LONP2: variants seen among roughly 807,000 people sequenced by gnomAD.
The protein encoded by LONP2 is lon peptidase 2, peroxisomal.
In LONP2, 60 loss-of-function variants were observed where a neutral mutation model predicts 85.6. That is an observed-to-expected ratio of 0.70 (90% confidence interval 0.57 to 0.87). LONP2 has a LOEUF of 0.87. Among genes scored for constraint, LONP2 ranks in the 40% least tolerant of loss-of-function variants. The pLI is 0.00. For missense variants in LONP2, 860 were observed against 1,063.5 expected, an observed-to-expected ratio of 0.81 and a Z score of 2.66; for synonymous variants, 395 against 389.7, an observed-to-expected ratio of 1.01 and a Z score of -0.16.
At chr16:48,307,980 A>G (rs564951226) in intron 11 of LONP2, among the ~76,000 whole-genome samples, 1 of 152,266 alleles carries the variant, frequency 6.6e-6, no homozygotes, top group South Asian at 2.1e-4. Context: ...GGACCTTTTA[A>G]CAACCAGCTG....
At chr16:48,274,379 T>C (rs548985970) in intron 7 of LONP2, among the ~76,000 whole-genome samples, 1 of 152,168 alleles carries the variant, frequency 6.6e-6, no homozygotes, top group African/African-American at 2.4e-5. Flanking sequence ...TTTAACATGG[T>C]GCTAAATGTG....
At chr16:48,259,043 AT>A (rs1971822567) in intron 4 of LONP2, among the ~76,000 whole-genome samples, 1 of 152,230 alleles carries the variant, frequency 6.6e-6, no homozygotes, top group East Asian at 1.9e-4. Flanking sequence ...TGAGTATAAC[AT>A]TTTTTTACTG....
chr16:48,299,373 C>T (rs1972750582), intron 9 of LONP2, among the ~76,000 whole-genome samples: 2 of 151,692 alleles, frequency 1.3e-5, no homozygotes, highest in African/African-American at 4.8e-5. Flanking sequence ...TCACTTGAGG[C>T]CAGGAGTTTG....
intron 14 of LONP2, among the ~76,000 whole-genome samples, chr16:48,349,051 T>A (rs1960060217): frequency 6.6e-6 from 1 of 152,250 alleles, no homozygotes; most frequent in African/African-American, 2.4e-5. Context: ...ATTAACCATA[T>A]CTAATGACTA....
chr16:48,348,099 G>A lies in LONP2; in HGVS notation c.2147-1G>A. The stretch of plus-strand genomic sequence containing the variant: ...TTAAAGTCCCTTTTTCCTTTTTAAA[G>A]CTTTTGGAAGTTTTGATCTTCTTGA... On this transcript the variant is annotated splice_acceptor_variant, in intron 13 of 14. Transcript: ENST00000285737. LOFTEE classifies it high-confidence loss of function. 1 of 1,591,138 alleles carries A rather than the reference G, an allele frequency of 6.3e-7. No individual in the cohort carries two copies. The highest frequency in any genetic ancestry group is 8.5e-7 in the Non-Finnish European group (1 of 1,174,222).
chr16:48,275,353 G>C (rs1363274793), intron 7 of LONP2, among the ~76,000 whole-genome samples: 1 of 152,136 alleles, frequency 6.6e-6, no homozygotes, highest in Non-Finnish European at 1.5e-5. Context: ...TTGAGTGCTG[G>C]CACGGTGGAT....
At chr16:48,248,114 A>G (rs1238841464) in intron 1 of LONP2, among the ~76,000 whole-genome samples, 2 of 151,876 alleles carry the variant, frequency 1.3e-5, no homozygotes, top group Non-Finnish European at 2.9e-5. Flanking sequence ...AACCATGTAC[A>G]CCTAAGTTGT....
intron 12 of LONP2, 55 bp from the exon 13 acceptor site, chr16:48,347,452 A>G (rs1960000184): frequency 5.8e-6 from 9 of 1,559,486 alleles, no homozygotes; most frequent in South Asian, 1.1e-5. Flanking sequence ...ATTGTGTGGT[A>G]TCAGTCACCT....
chr16:48,329,214 C>T (rs779750280), intron 11 of LONP2, among the ~76,000 whole-genome samples: 2 of 152,170 alleles, frequency 1.3e-5, no homozygotes, highest in Non-Finnish European at 2.9e-5. Flanking sequence ...GGTCAACCAT[C>T]GTCCAAAAAT....
rs551037569 is a variant in LONP2, at chr16:48,354,542, C to G, written c.*2740C>G. On this transcript the variant is annotated 3_prime_UTR_variant, in exon 15 of 15. Coordinates refer to ENST00000285737, the MANE Select transcript of LONP2 (RefSeq NM_031490.5). ...TTTTTTATCACCACAAACTGAAACTCTGTACCCACTGAAAAAGAGCTCCAA... is the reference window on the plus strand; with the variant it reads ...TTTTTTATCACCACAAACTGAAACTGTGTACCCACTGAAAAAGAGCTCCAA... 1 of 152,424 alleles carries G rather than the reference C, an allele frequency of 6.6e-6. No homozygotes were observed. Among genetic ancestry groups the G allele is most frequent in the Admixed American group, 6.5e-5 (1 of 15,288 alleles). 9.4% of individuals were successfully genotyped at this position (152,424 alleles called of 1,614,324 possible). A position where few individuals can be genotyped will look rare whatever the true frequency, so the allele number is the denominator to read the frequency against.
chr16:48,275,893 T>TAGAATATTATTTTCTCTCTGTGACTTC (rs1214291060), intron 7 of LONP2, among the ~76,000 whole-genome samples: 1 of 152,140 alleles, frequency 6.6e-6, no homozygotes, highest in Non-Finnish European at 1.5e-5. Flanking sequence ...GGTGCCTACC[T>TAGAATATTATTTTCTCTCTGTGACTTC]AGAATATTAT....
chr16:48,349,030 C>T (rs1013546481), intron 14 of LONP2, among the ~76,000 whole-genome samples: 11 of 152,066 alleles, frequency 7.2e-5, no homozygotes, highest in Non-Finnish European at 7.4e-5. Context: ...AGAATGGAAA[C>T]TCTAATAAAG....
intron 6 of LONP2, among the ~76,000 whole-genome samples, chr16:48,268,443 C>G (rs1972036106): frequency 6.6e-6 from 1 of 152,170 alleles, no homozygotes; most frequent in Admixed American, 6.5e-5. Context: ...GAAACTTACT[C>G]TTCTTGAACA....
intron 2 of LONP2, among the ~76,000 whole-genome samples, chr16:48,253,605 G>A (rs1009139100): frequency 2.0e-5 from 3 of 152,224 alleles, no homozygotes; most frequent in African/African-American, 7.2e-5. Context: ...AGGAGATTGA[G>A]AGAAATAGAA....
At position 48,348,185 on chromosome 16, in the gene LONP2, T is replaced by C. The variant is rs763396193; in HGVS notation, c.2232T>C (p.Ala744=). Reference sequence around the variant, plus strand: ...CTGTCACAAAAGATGGACCATCTGCTGGAGTTACCATAGTAACCTGTCTCG... The same window carrying C: ...CTGTCACAAAAGATGGACCATCTGCCGGAGTTACCATAGTAACCTGTCTCG... ...AGAVTKDGPS[A]GVTIVTCLAS... The change falls in exon 14 of 15, where the codon GCT becomes GCC. Residue 744 remains alanine (A), a synonymous_variant. Transcript: ENST00000285737. The C allele has an allele frequency of 6.2e-7, 1 of 1,613,572 alleles. No individual in the cohort carries two copies. The highest frequency in any genetic ancestry group is 1.1e-5 in the South Asian group (1 of 90,920).
In LONP2 at chr16:48,252,370, G is replaced by C. The variant is rs1211033371; in HGVS notation, c.468+5G>C. ...TTTTACAAATATGCAGTACAAGTAAGTTGCTTTTATTTTTTCTTAAAACCC... is the reference window on the plus strand; with the variant it reads ...TTTTACAAATATGCAGTACAAGTAACTTGCTTTTATTTTTTCTTAAAACCC... On this transcript the variant is annotated splice_donor_5th_base_variant and intron_variant, in intron 2 of 14. Coordinates refer to ENST00000285737, the MANE Select transcript of LONP2 (RefSeq NM_031490.5). 1 of 1,541,530 alleles carries C rather than the reference G, an allele frequency of 6.5e-7. No homozygotes were observed. The highest frequency in any genetic ancestry group is 2.3e-5 in the East Asian group (1 of 43,830).
At chr16:48,319,535 T>C (rs1181709348) in intron 11 of LONP2, among the ~76,000 whole-genome samples, 1 of 152,148 alleles carries the variant, frequency 6.6e-6, no homozygotes, top group Non-Finnish European at 1.5e-5. Flanking sequence ...TTATATTATA[T>C]AGCCCACTGA....
intron 10 of LONP2, among the ~76,000 whole-genome samples, chr16:48,302,073 T>C (rs1055030671): frequency 6.6e-6 from 1 of 152,230 alleles, no homozygotes; most frequent in Non-Finnish European, 1.5e-5. Context: ...ACTATATTAT[T>C]TTATGACTGT....
At chr16:48,321,180 C>T (rs73551481) in intron 11 of LONP2, among the ~76,000 whole-genome samples, 61 of 152,242 alleles carry the variant, frequency 4.0e-4, no homozygotes, top group African/African-American at 1.3e-3. Flanking sequence ...CCACCGCGCC[C>T]GGCCTGCAGT....
Sources: allele counts gnomAD v4.1 joint callset (sites outside exome capture counted in the v4.1 genomes callset), GRCh38; gene constraint gnomAD v4.1.1; transcripts MANE v1.5; gene names NCBI Gene and HGNC (gene_info 2026-07-23, HGNC 2026-07-21).